Variants in CAMKK2 observed in about 807,000 individuals in gnomAD.
CAMKK2 encodes calcium/calmodulin dependent protein kinase kinase 2, also known as calcium/calmodulin-dependent protein kinase kinase 2.
In CAMKK2, 30 loss-of-function variants were observed where a neutral mutation model predicts 67.2. That is an observed-to-expected ratio of 0.45 (90% CI 0.33 to 0.61). The LOEUF (loss-of-function observed/expected upper bound fraction) is 0.61. CAMKK2 is among the 20% of genes least tolerant of loss of function. The pLI is 0.02. For synonymous variants in CAMKK2, 322 were observed against 326.2 expected (o/e 0.99, Z 0.14); for missense variants, 643 against 802.0 (o/e 0.80, Z 2.39).
chr12:121,244,441 G>T, intron 16 of CAMKK2, 132 bp downstream of exon 16: 1 of 856,738 alleles, frequency 1.2e-6, no homozygotes, highest in South Asian at 1.7e-5. Context: ...GGAGGCCCGC[G>T]GTGAGCCGGG....
chr12:121,240,745 G>A lies in CAMKK2; in HGVS notation c.1721C>T (p.Ala574Val). The change falls in exon 17 of 17, where the codon GCA (alanine) becomes GTA (valine). Residue 574 changes from alanine (A) to valine (V), a missense_variant. Ala to Val is a moderately conservative substitution (Grantham distance 64). This residue lies in a region of CAMKK2 where 140 missense variants were observed against 124.2 expected (regional missense o/e 1.13). Coordinates refer to ENST00000404169, the MANE Select transcript of CAMKK2 (RefSeq NM_001270485.2). This position sits in a 1 kb window ranked among gnomAD's most constrained non-coding sequence, Gnocchi z 4.4. ...CTCCGGCCGCAGTGGATGCATGCGT[G>A]CGGGGGAGCCGGGGGCGGGGGCCCA... ...SCWAPAPGSPARMHPLRPEEA... is the reference protein window; with the variant it reads ...SCWAPAPGSPVRMHPLRPEEA... 6.2e-7 allele frequency: 1 copy of A among 1,609,048 alleles called. No homozygotes were observed. The highest frequency in any genetic ancestry group is 8.5e-7 in the Non-Finnish European group (1 of 1,179,044).
At chr12:121,244,652 A>G in intron 15 of CAMKK2, 37 bp from the exon 16 acceptor site, 1 of 1,527,344 alleles carries the variant, frequency 6.5e-7, no homozygotes, top group Non-Finnish European at 8.9e-7. Flanking sequence ...GGAAGTGAGA[A>G]GGGACCCTTG....
chr12:121,287,137 C>T (rs545143420), intron 1 of CAMKK2, among the ~76,000 whole-genome samples: 2 of 152,200 alleles, frequency 1.3e-5, no homozygotes, highest in East Asian at 3.9e-4. Flanking sequence ...AACTCCTGGG[C>T]TCAAGTGATC....
At chr12:121,273,374 G>C (rs2136431011) in intron 2 of CAMKK2, among the ~76,000 whole-genome samples, 1 of 152,180 alleles carries the variant, frequency 6.6e-6, no homozygotes, top group South Asian at 2.1e-4. Context: ...GGAGCTTAGG[G>C]AGCTGGCAGC....
At chr12:121,255,329 ATTATATATAATT>A (rs1566059829) in intron 9 of CAMKK2, among the ~76,000 whole-genome samples, 9 of 11,852 alleles carry the variant, frequency 7.6e-4, no homozygotes, top group African/African-American at 3.7e-3. Context: ...TATATATATA[ATTATATATAATT>A]TTATATATAT....
intron 1 of CAMKK2, among the ~76,000 whole-genome samples, chr12:121,280,809 G>T (rs984219613): frequency 6.6e-6 from 1 of 152,068 alleles, no homozygotes; most frequent in Non-Finnish European, 1.5e-5. Context: ...TGGTCAGACC[G>T]GTTGATCTCA....
chr12:121,257,753 T>A (rs1892631682), intron 7 of CAMKK2, among the ~76,000 whole-genome samples: 1 of 152,154 alleles, frequency 6.6e-6, no homozygotes, highest in Non-Finnish European at 1.5e-5. Flanking sequence ...ACAAAGGCAA[T>A]GCTGCTAAGG....
At chr12:121,274,034 G>A in intron 2 of CAMKK2, 22 bp downstream of exon 2, 1 of 1,453,084 alleles carries the variant, frequency 6.9e-7, no homozygotes, top group African/African-American at 1.4e-5. Flanking sequence ...CCTAGGACCT[G>A]GCTCACCACC....
At position 121,255,774 on chromosome 12, in the gene CAMKK2, G is replaced by A; in HGVS notation, c.818+9C>T. On this transcript the variant is annotated intron_variant, in intron 8 of 16. Coordinates refer to ENST00000404169, the MANE Select transcript of CAMKK2 (RefSeq NM_001270485.2). ...TTGCATCACCCCTGCTGGGAGCTGG[G>A]ACACTCACCCTTGGTTGACCAGTTC... 2 of 1,613,984 alleles carry A rather than the reference G, an allele frequency of 1.2e-6. No individual in the cohort carries two copies. The highest frequency in any genetic ancestry group is 1.1e-5 in the South Asian group (1 of 91,064).
At chr12:121,297,803 AG>A (rs1311736577), upstream of CAMKK2, 6 of 455,786 alleles carry the variant, frequency 1.3e-5, no homozygotes, top group Non-Finnish European at 2.2e-5. Flanking sequence ...TTGTATTTCT[AG>A]GCCGTAGGGA....
chr12:121,266,407 G>C (rs1166449731), intron 5 of CAMKK2, among the ~76,000 whole-genome samples: 1 of 152,132 alleles, frequency 6.6e-6, no homozygotes, highest in Non-Finnish European at 1.5e-5. Flanking sequence ...GCCAGAAGCA[G>C]ATGTCAAAAA....
intron 13 of CAMKK2, 24 bp downstream of exon 13, chr12:121,249,763 G>A (rs1890282622): frequency 1.2e-6 from 2 of 1,604,234 alleles, no homozygotes; most frequent in Admixed American, 1.7e-5. Flanking sequence ...TCCGAGCACG[G>A]GGCACAGGCT....
intron 16 of CAMKK2, among the ~76,000 whole-genome samples, chr12:121,242,587 T>C (rs1304262681): frequency 6.6e-6 from 1 of 152,182 alleles, no homozygotes; most frequent in Admixed American, 6.5e-5. Flanking sequence ...CTTCTGAGAC[T>C]GCTGAAGACC....
rs1316676688 is a variant in CAMKK2, at chr12:121,249,814, C to T, written c.1296G>A (p.Glu432=). 6.2e-7 allele frequency: 1 copy of T among 1,614,128 alleles called. No individual in the cohort carries two copies. Among genetic ancestry groups the T allele is most frequent in the Non-Finnish European group, 8.5e-7 (1 of 1,180,024 alleles). The part of the protein sequence containing the change: ...LITRMLDKNP[E]SRIVVPEIKL... ...TGATTTCCGGCACCACGATCCTCGA[C>T]TCGGGGTTCTTGTCCAGCATACGGG... is the stretch of plus-strand genomic sequence containing the variant. Residue 432 remains glutamate, a synonymous_variant, in exon 13 of 17, where the codon GAG becomes GAA. Coordinates refer to ENST00000404169, the MANE Select transcript of CAMKK2 (RefSeq NM_001270485.2).
chr12:121,297,109 G>C (rs1216087674), upstream of CAMKK2: 1 of 153,154 alleles, frequency 6.5e-6, no homozygotes, highest in African/African-American at 2.4e-5. Flanking sequence ...CGCCCGCGGC[G>C]CGCACCTGCC....
intron 4 of CAMKK2, among the ~76,000 whole-genome samples, chr12:121,268,930 G>A (rs1653608): frequency 0.049 from 7,391 of 152,108 alleles, 370 homozygotes; most frequent in African/African-American, 0.13. Context: ...TGAGGCTCAC[G>A]GTCGCCTCTC....
chr12:121,271,178 G>T (rs1239489861), intron 2 of CAMKK2, among the ~76,000 whole-genome samples: 1 of 151,628 alleles, frequency 6.6e-6, no homozygotes, highest in Non-Finnish European at 1.5e-5. Flanking sequence ...AGGAGGCTGA[G>T]GCACGAGAAT....
At chr12:121,282,361 G>A (rs1450837365) in intron 1 of CAMKK2, among the ~76,000 whole-genome samples, 8 of 152,188 alleles carry the variant, frequency 5.3e-5, no homozygotes, top group Admixed American at 5.2e-4. Flanking sequence ...CCTGCTGTGA[G>A]TTGAACTGTG....
Position 121,253,502 on chromosome 12 carries a change from T to C in CAMKK2, c.908-30A>G. 4.4e-6 allele frequency: 7 copies of C among 1,602,166 alleles called. No homozygotes were observed. The highest frequency in any genetic ancestry group is 1.3e-5 in the African/African-American group (1 of 74,662). On this transcript the variant is annotated intron_variant, in intron 9 of 16. Coordinates refer to ENST00000404169, the MANE Select transcript of CAMKK2 (RefSeq NM_001270485.2). The surrounding 1 kb of genome is among the most constrained non-coding windows in gnomAD (Gnocchi z 5.0). ...GGAGGCGTAGACAGCAGGTGGGAGA[T>C]AGGGGCAGGAAAACCTCGTGAGCAC... is the stretch of plus-strand genomic sequence containing the variant.
Sources: allele counts gnomAD v4.1 joint callset (sites outside exome capture counted in the v4.1 genomes callset), GRCh38; gene constraint gnomAD v4.1.1; regional missense constraint gnomAD v4.1.1; non-coding constraint Gnocchi (gnomAD v3.1); transcripts MANE v1.5; gene names NCBI Gene and HGNC (gene_info 2026-07-23, HGNC 2026-07-21).